CDH18: variants seen among roughly 807,000 people sequenced by gnomAD.
The protein encoded by CDH18 is cadherin 18.
A neutral mutation model predicts 67.9 loss-of-function variants in CDH18; 31 were observed. The observed-to-expected ratio is 0.46, with a 90% CI of 0.34 to 0.62. The LOEUF is 0.62. Ranked by LOEUF, CDH18 falls within the 20% of genes least tolerant of loss-of-function variation. The pLI is 0.01. For missense variants in CDH18, 890 were observed against 975.5 expected, an observed-to-expected ratio of 0.91 and a Z score of 1.17; for synonymous variants, 362 against 347.2, an observed-to-expected ratio of 1.04 and a Z score of -0.48.
chr5:19,991,392 C>G (rs1309689408), upstream of CDH18, among the ~76,000 whole-genome samples: 1 of 152,012 alleles, frequency 6.6e-6, no homozygotes, highest in African/African-American at 2.4e-5. Flanking sequence ...TATGCATATA[C>G]AATGTGAAAT....
intron 1 of CDH18, among the ~76,000 whole-genome samples, chr5:20,569,787 A>T (rs1313321808): frequency 1.3e-5 from 2 of 152,234 alleles, no homozygotes; most frequent in Non-Finnish European, 2.9e-5. Context: ...GATGACCTTC[A>T]GTAGATGAAT....
intron 2 of CDH18, among the ~76,000 whole-genome samples, chr5:19,966,779 A>C (rs1797480858): frequency 6.6e-6 from 1 of 152,160 alleles, no homozygotes; most frequent in Non-Finnish European, 1.5e-5. Flanking sequence ...GAAATAGATA[A>C]AGAATTTCAC....
intron 2 of CDH18, among the ~76,000 whole-genome samples, chr5:20,234,128 A>C (rs577087398): frequency 6.6e-6 from 1 of 152,298 alleles, no homozygotes; most frequent in East Asian, 1.9e-4. Context: ...GCCAATTCCC[A>C]GTTCCCAGTG....
At chr5:19,759,712 A>G (rs575030009) in intron 3 of CDH18, among the ~76,000 whole-genome samples, 14 of 152,222 alleles carry the variant, frequency 9.2e-5, no homozygotes, top group South Asian at 4.2e-4. Context: ...CCTTTCCCCA[A>G]TGCATGGTTA....
intron 2 of CDH18, among the ~76,000 whole-genome samples, chr5:19,930,973 T>C (rs531046600): frequency 2.0e-5 from 3 of 151,998 alleles, no homozygotes; most frequent in Admixed American, 1.3e-4. Context: ...AGACTCTCAG[T>C]TGCTACATCT....
chr5:19,558,984 T>C (rs754252715), intron 8 of CDH18, among the ~76,000 whole-genome samples: 12 of 152,102 alleles, frequency 7.9e-5, no homozygotes, highest in Non-Finnish European at 1.2e-4. Flanking sequence ...ATGAACAAAG[T>C]TGTTCACAGT....
At chr5:20,010,790 A>G (rs1737370747) in intron 2 of CDH18, among the ~76,000 whole-genome samples, 1 of 151,934 alleles carries the variant, frequency 6.6e-6, no homozygotes. Context: ...TTTGTTTTTT[A>G]CTGAGTACTC....
chr5:19,948,717 A>T (rs998493516), intron 2 of CDH18, among the ~76,000 whole-genome samples: 1 of 152,176 alleles, frequency 6.6e-6, no homozygotes, highest in Non-Finnish European at 1.5e-5. Context: ...AGATTGTACA[A>T]GTATGAATTT....
At chr5:19,983,081 C>T (rs1238887336) in intron 1 of CDH18, among the ~76,000 whole-genome samples, 1 of 149,168 alleles carries the variant, frequency 6.7e-6, no homozygotes, top group Non-Finnish European at 1.5e-5. Context: ...GGAGAAATAT[C>T]TGTAACTCAT....
At chr5:19,700,379 T>C (rs1306665671) in intron 5 of CDH18, among the ~76,000 whole-genome samples, 1 of 152,194 alleles carries the variant, frequency 6.6e-6, no homozygotes, top group African/African-American at 2.4e-5. Context: ...CATTGTATTA[T>C]GGTGCATTGT....
At chr5:19,534,159 G>A (rs1471633930) in intron 9 of CDH18, among the ~76,000 whole-genome samples, 1 of 151,994 alleles carries the variant, frequency 6.6e-6, no homozygotes, top group Non-Finnish European at 1.5e-5. Flanking sequence ...TTAACCATGA[G>A]CAATAATAAA....
intron 1 of CDH18, among the ~76,000 whole-genome samples, chr5:20,560,984 TAGATAG>T (rs1479269452): frequency 6.6e-6 from 1 of 151,998 alleles, no homozygotes; most frequent in Non-Finnish European, 1.5e-5. Flanking sequence ...ACAAAGAAGA[TAGATAG>T]AAAGTAATAT....
chr5:20,009,563 A>G (rs527915792), intron 2 of CDH18, among the ~76,000 whole-genome samples: 32 of 152,232 alleles, frequency 2.1e-4, no homozygotes, highest in Admixed American at 4.6e-4. Context: ...GTTAATCTAT[A>G]TAGAGAACTT....
chr5:19,644,906 G>A (rs1754514719), intron 5 of CDH18, among the ~76,000 whole-genome samples: 1 of 152,154 alleles, frequency 6.6e-6, no homozygotes. Flanking sequence ...AACCATACTG[G>A]CTAAAGGTGC....
chr5:20,040,338 T>C (rs1396720746), intron 2 of CDH18, among the ~76,000 whole-genome samples: 4 of 152,050 alleles, frequency 2.6e-5, no homozygotes, highest in Non-Finnish European at 2.9e-5. Flanking sequence ...GAAGTGATGT[T>C]GAAATGAAAT....
chr5:19,990,840 G>A (rs530216501), upstream of CDH18, among the ~76,000 whole-genome samples: 3 of 152,316 alleles, frequency 2.0e-5, no homozygotes, highest in African/African-American at 7.2e-5. Context: ...TTTGCTGCTA[G>A]GGAAAGCCAG....
At position 20,002,506 on chromosome 5, in the gene CDH18, T is replaced by C. The variant is rs561510409; in HGVS notation, c.-517-10492A>G. Among the ~76,000 whole-genome samples, 15 of 152,330 alleles carry C rather than the reference T, an allele frequency of 9.8e-5. 1 individual carries two copies. The highest frequency in any genetic ancestry group is 3.4e-4 in the African/African-American group (14 of 41,590). The stretch of plus-strand genomic sequence containing the variant: ...CACATACTGCAGGCAATAACTTATG[T>C]AATTTACCTCTTAGAGTATGTGATG... On this transcript the variant is annotated intron_variant, in intron 2 of 14. Transcript: ENST00000507958.
chr5:20,366,865 G>A (rs969501664), intron 1 of CDH18, among the ~76,000 whole-genome samples: 2 of 152,050 alleles, frequency 1.3e-5, no homozygotes, highest in Non-Finnish European at 2.9e-5. Flanking sequence ...TCCTTCCCCC[G>A]GGATGATTGG....
At position 19,963,491 on chromosome 5, in the gene CDH18, C is replaced by T. The variant is rs1017088601; in HGVS notation, c.-257+17569G>A. The stretch of plus-strand genomic sequence containing the variant: ...TAATTGAATCATGGGGATGGTTACA[C>T]TTATGATGCTGTTCTAGTGATAGTG... On this transcript the variant is annotated intron_variant, in intron 2 of 12. Transcript: ENST00000382275. 2.6e-5 allele frequency among the ~76,000 whole-genome samples: 4 copies of T among 152,046 alleles called. 1 individual carries two copies. In the East Asian group the frequency reaches 5.9e-4, roughly 22 times the overall value.
Sources: gnomAD v4.1 joint callset for allele counts (sites outside exome capture counted in the v4.1 genomes callset) on GRCh38, gnomAD v4.1.1 for gene constraint, MANE v1.5 for transcripts, NCBI Gene and HGNC (gene_info 2026-07-23, HGNC 2026-07-21) for gene names.